Variants in MALRD1 observed in about 807,000 individuals in gnomAD.
The protein encoded by MALRD1 is MAM and LDL-receptor class A domain-containing protein 1.
MALRD1 carries 247 observed loss-of-function variants against 242.1 expected under a neutral mutation model. The observed-to-expected ratio is 1.02, with a 90% CI of 0.92 to 1.13. The LOEUF is 1.13. MALRD1 is among the 50% of genes most tolerant of loss of function. The pLI, the probability that MALRD1 is intolerant of heterozygous loss-of-function variation, is 0.00. For missense variants in MALRD1, 2,989 were observed against 2,533.1 expected, an observed-to-expected ratio of 1.18 and a Z score of -3.86; for synonymous variants, 995 against 866.6, an observed-to-expected ratio of 1.15 and a Z score of -2.60.
chr10:19,526,369 C>CATATAT (rs776392530), intron 31 of MALRD1, among the ~76,000 whole-genome samples: 94 of 143,944 alleles, frequency 6.5e-4, no homozygotes, highest in African/African-American at 2.2e-3. Context: ...AAAAAAAATA[C>CATATAT]ATATATATAT....
At chr10:19,115,438 TA>T (rs1009888071) in intron 5 of MALRD1, among the ~76,000 whole-genome samples, 6 of 151,870 alleles carry the variant, frequency 4.0e-5, no homozygotes, top group Admixed American at 6.6e-5. Flanking sequence ...CTTTTTTTTT[TA>T]AAAGTAAAAA....
chr10:19,168,501 C>T (rs1213183419), intron 13 of MALRD1, among the ~76,000 whole-genome samples: 1 of 152,160 alleles, frequency 6.6e-6, no homozygotes, highest in Non-Finnish European at 1.5e-5. Context: ...AAACACATGC[C>T]ATTTCTGTCT....
At chr10:19,560,300 C>T (rs1835905194) in intron 32 of MALRD1, among the ~76,000 whole-genome samples, 1 of 152,078 alleles carries the variant, frequency 6.6e-6, no homozygotes, top group Non-Finnish European at 1.5e-5. Flanking sequence ...AACACTGTCT[C>T]TACTAAAAAT....
chr10:19,435,067 A>G (rs965820302), intron 28 of MALRD1, among the ~76,000 whole-genome samples: 2 of 150,880 alleles, frequency 1.3e-5, no homozygotes, highest in African/African-American at 2.4e-5. Flanking sequence ...ACTTTGTCAG[A>G]TGCAATTTGA....
intron 36 of MALRD1, among the ~76,000 whole-genome samples, chr10:19,660,859 C>T (rs1564523119): frequency 6.6e-6 from 1 of 152,078 alleles, no homozygotes; most frequent in East Asian, 1.9e-4. Flanking sequence ...TAAGTTCAGC[C>T]TGTTATTTTT....
At chr10:19,627,340 G>A (rs1476800160) in intron 36 of MALRD1, among the ~76,000 whole-genome samples, 7 of 151,944 alleles carry the variant, frequency 4.6e-5, no homozygotes, top group South Asian at 2.1e-4. Context: ...AAACAGATTC[G>A]AAAACTTGAT....
At chr10:19,132,388 GTGCTTCAC>G (rs1564412533) in intron 8 of MALRD1, among the ~76,000 whole-genome samples, 1 of 152,196 alleles carries the variant, frequency 6.6e-6, no homozygotes, top group Non-Finnish European at 1.5e-5. Flanking sequence ...TCCACCCCGT[GTGCTTCAC>G]TGTCTTGTGG....
chr10:19,486,840 C>G (rs1837258131), intron 29 of MALRD1, among the ~76,000 whole-genome samples: 1 of 152,112 alleles, frequency 6.6e-6, no homozygotes, highest in Admixed American at 6.5e-5. Context: ...TTTGTAAGCT[C>G]TGTTTCAAAG....
At chr10:19,070,782 A>G (rs1261568252) in intron 2 of MALRD1, among the ~76,000 whole-genome samples, 1 of 149,110 alleles carries the variant, frequency 6.7e-6, no homozygotes, top group East Asian at 2.0e-4. Flanking sequence ...TTTTCAAAGC[A>G]TGGTGATAAT....
chr10:19,146,523 C>T (rs1420972331), intron 11 of MALRD1, among the ~76,000 whole-genome samples, 179 bp downstream of exon 11: 2 of 152,156 alleles, frequency 1.3e-5, no homozygotes, highest in Non-Finnish European at 2.9e-5. Context: ...CTGAAAGGAG[C>T]ATTGTTTTAA....
At chr10:19,657,146 G>A (rs886124023) in intron 36 of MALRD1, among the ~76,000 whole-genome samples, 1 of 152,042 alleles carries the variant, frequency 6.6e-6, no homozygotes, top group Non-Finnish European at 1.5e-5. Flanking sequence ...ATACTGTGGT[G>A]CACTGGCAAA....
intron 5 of MALRD1, among the ~76,000 whole-genome samples, chr10:19,115,267 G>A (rs1836829891): frequency 6.6e-6 from 1 of 152,074 alleles, no homozygotes; most frequent in South Asian, 2.1e-4. Flanking sequence ...CTGACGCTGG[G>A]ACTTTCCCAC....
chr10:19,094,583 G>A (rs904491589), intron 4 of MALRD1, among the ~76,000 whole-genome samples: 5 of 151,796 alleles, frequency 3.3e-5, no homozygotes, highest in African/African-American at 1.2e-4. Flanking sequence ...CTGTAGACCG[G>A]AGCTGTTCCT....
In MALRD1 at chr10:19,155,185, T is replaced by TCTGAATTTC; in HGVS notation, c.1656+15_1656+23dup. The TCTGAATTTC allele has an allele frequency of 8.2e-7, 1 of 1,224,924 alleles. No individual in the cohort carries two copies. The highest frequency in any genetic ancestry group is 1.6e-5 in the African/African-American group (1 of 64,398). 75.9% of individuals were successfully genotyped at this position (1,224,924 alleles called of 1,614,324 possible). A position where few individuals can be genotyped will look rare whatever the true frequency, so the allele number is the denominator to read the frequency against. ...TACCCCATGTCAGGTAATCAACTGTTCTGAATTTCCACTGGCCATTCTGCG... is the reference window on the plus strand; with the variant it reads ...TACCCCATGTCAGGTAATCAACTGTTCTGAATTTCCTGAATTTCCACTGGCCATTCTGCG... On this transcript the variant is annotated intron_variant, in intron 12 of 39. Transcript: ENST00000454679.
At chr10:19,660,967 G>A (rs998936797) in intron 36 of MALRD1, among the ~76,000 whole-genome samples, 3 of 152,130 alleles carry the variant, frequency 2.0e-5, no homozygotes, top group South Asian at 2.1e-4. Flanking sequence ...ATCAAAAAGT[G>A]GGCGAAGGAT....
intron 14 of MALRD1, among the ~76,000 whole-genome samples, chr10:19,198,516 G>T (rs1391966494): frequency 6.6e-6 from 1 of 152,166 alleles, no homozygotes; most frequent in Non-Finnish European, 1.5e-5. Flanking sequence ...CTTGCCTTCT[G>T]TTGTAGAGGG....
intron 18 of MALRD1, among the ~76,000 whole-genome samples, chr10:19,218,717 A>G (rs537335807): frequency 8.3e-4 from 126 of 152,280 alleles, no homozygotes; most frequent in African/African-American, 2.7e-3. Flanking sequence ...TTAAGAAAAA[A>G]GAATAGACTT....
chr10:19,441,187 G>A (rs1589078117), intron 28 of MALRD1, among the ~76,000 whole-genome samples: 1 of 152,086 alleles, frequency 6.6e-6, no homozygotes, highest in African/African-American at 2.4e-5. Flanking sequence ...TTTTTGATGG[G>A]GTTGTTTGAT....
intron 20 of MALRD1, among the ~76,000 whole-genome samples, chr10:19,282,039 C>T (rs1840840236): frequency 6.7e-6 from 1 of 148,638 alleles, no homozygotes; most frequent in Admixed American, 6.7e-5. Flanking sequence ...GGGTACAATA[C>T]ATTATGGTTG....
Sources: allele counts gnomAD v4.1 joint callset (sites outside exome capture counted in the v4.1 genomes callset), GRCh38; gene constraint gnomAD v4.1.1; transcripts MANE v1.5; gene names NCBI Gene and HGNC (gene_info 2026-07-23, HGNC 2026-07-21).